Variants in C16orf95 observed in about 807,000 individuals in gnomAD.
C16orf95 encodes chromosome 16 open reading frame 95.
C16orf95 carries 41 observed loss-of-function variants against 32.1 expected under a neutral mutation model. That is an observed-to-expected ratio of 1.28 (90% confidence interval 1.00 to 1.66). The LOEUF is 1.66. Ranked by LOEUF, C16orf95 falls within the 40% of genes most tolerant of loss-of-function variation. C16orf95 has a pLI of 0.00. For synonymous variants in C16orf95, 147 were observed against 128.9 expected, an observed-to-expected ratio of 1.14 and a Z score of -0.95; for missense variants, 399 against 325.9, an observed-to-expected ratio of 1.22 and a Z score of -1.73.
At chr16:87,311,059 T>C (rs1911260634) in intron 4 of C16orf95, 91 bp downstream of exon 4, 12 of 1,231,236 alleles carry the variant, frequency 9.7e-6, no homozygotes, top group Non-Finnish European at 1.3e-5. Context: ...AGAGCCCAGG[T>C]ACCCCTCTTC....
chr16:87,310,384 G>A (rs1158892215), intron 4 of C16orf95, 51 bp from the exon 5 acceptor site: 1 of 1,525,244 alleles, frequency 6.6e-7, no homozygotes, highest in Non-Finnish European at 8.8e-7. Flanking sequence ...CCTCCAAGGG[G>A]GAAGGCCTGG....
intron 6 of C16orf95, chr16:87,303,373 G>C (rs1484557955): frequency 2.6e-6 from 1 of 389,530 alleles, no homozygotes; most frequent in African/African-American, 2.0e-5. Context: ...GTGAAATGAA[G>C]GCAGGTCTCA....
intron 4 of C16orf95, among the ~76,000 whole-genome samples, chr16:87,310,598 C>T (rs1911237212): frequency 6.6e-6 from 1 of 152,162 alleles, no homozygotes; most frequent in African/African-American, 2.4e-5. Flanking sequence ...AGCGAGAGGC[C>T]CAGGGGGCTA....
At chr16:87,306,582 T>G (rs975746776) in intron 5 of C16orf95, among the ~76,000 whole-genome samples, 2 of 152,242 alleles carry the variant, frequency 1.3e-5, no homozygotes, top group African/African-American at 2.4e-5. Context: ...AGCACCTAAG[T>G]CTGTCTTTAC....
chr16:87,316,365 G>C (rs1045710407), intron 1 of C16orf95, among the ~76,000 whole-genome samples: 1 of 152,174 alleles, frequency 6.6e-6, no homozygotes, highest in African/African-American at 2.4e-5. Flanking sequence ...CCAACAAACT[G>C]CTTGAATGTT....
In C16orf95 at chr16:87,317,187, G is replaced by T. The variant is rs1318688336; in HGVS notation, c.56C>A (p.Ala19Asp). 2.6e-6 allele frequency: 4 copies of T among 1,530,040 alleles called. No individual in the cohort carries two copies. Among genetic ancestry groups the T allele is most frequent in the Admixed American group, 4.0e-5 (2 of 50,012 alleles). The allele number at this position is 1,530,040 out of a possible 1,614,324, so 94.8% of individuals were successfully genotyped here. ...SPRRCHHHHE[A>D]TGAASGAAAG... ...AGCAGCGCCTGAGGCTGCTCCAGTG[G>T]CCTCATGATGATGGTGACAACGCCG... is the stretch of plus-strand genomic sequence containing the variant. The change falls in exon 1 of 7, where the codon GCC becomes GAC. Residue 19 changes from alanine (A) to aspartate (D), a missense_variant. Physicochemically the swap from Ala to Asp is moderately radical, Grantham distance 126 (BLOSUM62 -2). Coordinates refer to ENST00000567970, the MANE Select transcript of C16orf95 (RefSeq NM_001195124.3).
At chr16:87,310,748 G>C (rs564191902) in intron 4 of C16orf95, among the ~76,000 whole-genome samples, 1 of 152,134 alleles carries the variant, frequency 6.6e-6, no homozygotes, top group Non-Finnish European at 1.5e-5. Flanking sequence ...CCAGGGGAGA[G>C]AGTCAGAGGA....
At chr16:87,310,022 A>G (rs1911208337) in intron 5 of C16orf95, among the ~76,000 whole-genome samples, 1 of 152,140 alleles carries the variant, frequency 6.6e-6, no homozygotes, top group African/African-American at 2.4e-5. Flanking sequence ...GGTCTCATCC[A>G]AGCCCAGGCG....
intron 3 of C16orf95, 79 bp downstream of exon 3, chr16:87,314,892 T>G: frequency 8.1e-7 from 1 of 1,232,782 alleles, no homozygotes; most frequent in South Asian, 1.5e-5. Flanking sequence ...CATATAATAC[T>G]TCTAATTCTG....
Position 87,315,807 on chromosome 16 carries a change from T to C in C16orf95, c.169A>G (p.Thr57Ala), listed in dbSNP as rs1374556532. 2.0e-6 allele frequency: 3 copies of C among 1,531,044 alleles called. No homozygotes were observed. Among genetic ancestry groups the C allele is most frequent in the Non-Finnish European group, 2.6e-6 (3 of 1,144,496 alleles). The allele number at this position is 1,531,044 out of a possible 1,614,324, so 94.8% of individuals were successfully genotyped here. ...GGGAGGCACACTTCTTTCTTGTAGG[T>C]TTGAAATGTGCTATTCCTAGAAGAG... is the stretch of plus-strand genomic sequence containing the variant. ...AQDGRNSTFQ[T>A]YKKEVCLPRH... The change falls in exon 2 of 7, where the codon ACC becomes GCC. Residue 57 changes from threonine to alanine, a missense_variant. By Grantham distance (58) the Thr-to-Ala change is moderately conservative. Coordinates refer to ENST00000567970, the MANE Select transcript of C16orf95 (RefSeq NM_001195124.3).
At chr16:87,316,616 G>C (rs924689374) in intron 1 of C16orf95, among the ~76,000 whole-genome samples, 15 of 152,100 alleles carry the variant, frequency 9.9e-5, no homozygotes, top group African/African-American at 3.4e-4. Flanking sequence ...GGCCCCTTCT[G>C]GTAATGACAG....
intron 4 of C16orf95, among the ~76,000 whole-genome samples, 196 bp downstream of exon 4, chr16:87,310,954 C>T (rs1269197104): frequency 2.6e-5 from 4 of 152,214 alleles, no homozygotes; most frequent in Admixed American, 6.5e-5. Flanking sequence ...TGAGCCAGCC[C>T]TCCCTGAGCC....
At chr16:87,309,694 A>AT (rs1911194071) in intron 5 of C16orf95, among the ~76,000 whole-genome samples, 1 of 151,922 alleles carries the variant, frequency 6.6e-6, no homozygotes, top group South Asian at 2.1e-4. Flanking sequence ...TATTATATGC[A>AT]TTTTCCATAA....
intron 5 of C16orf95, among the ~76,000 whole-genome samples, chr16:87,306,886 C>T (rs1415521938): frequency 3.3e-5 from 5 of 152,002 alleles, no homozygotes; most frequent in African/African-American, 9.7e-5. Flanking sequence ...TATCAGATAC[C>T]AGATGATGCA....
In C16orf95 at chr16:87,315,028, G is replaced by A. The variant is rs569068590; in HGVS notation, c.273C>T (p.Ser91=). The change falls in exon 3 of 7, where the codon TCC becomes TCT. Residue 91 remains serine (S), a synonymous_variant. Transcript: ENST00000567970. ...AGTAAGGCAGTGCTGCTTCCACCCT[G>A]GACACAGGCAGGCGGCCCCCGAATC... is the stretch of plus-strand genomic sequence containing the variant. ...QTRFGGRLPV[S]RVEAALPYWV... 4 of 1,535,968 alleles carry A rather than the reference G, an allele frequency of 2.6e-6. No individual in the cohort carries two copies. The highest frequency in any genetic ancestry group is 2.4e-5 in the South Asian group (2 of 84,068).
intron 3 of C16orf95, among the ~76,000 whole-genome samples, chr16:87,313,066 G>A (rs1234945810): frequency 5.3e-5 from 8 of 151,936 alleles, no homozygotes; most frequent in Admixed American, 5.2e-4. Flanking sequence ...TGGGTCAAAA[G>A]ATTCAATATT....
rs747946100 is a variant in C16orf95 at position 87,315,051 on chromosome 16, A to G, written c.250T>C (p.Phe84Leu). The change falls in exon 3 of 7, where the codon TTC becomes CTC. Residue 84 changes from phenylalanine (F) to leucine (L), a missense_variant. Coordinates refer to ENST00000567970, the MANE Select transcript of C16orf95 (RefSeq NM_001195124.3). The part of the protein sequence containing the change: ...WAICCECQTR[F>L]GGRLPVSRVE... The stretch of plus-strand genomic sequence containing the variant: ...CTGGACACAGGCAGGCGGCCCCCGA[A>G]TCTGGTCTGGCATTCACAGCAGATG... 63 of 1,535,976 alleles carry G rather than the reference A, an allele frequency of 4.1e-5. No homozygotes were observed. The highest frequency in any genetic ancestry group is 5.2e-5 in the Non-Finnish European group (60 of 1,146,908).
intron 3 of C16orf95, 42 bp from the exon 4 acceptor site, chr16:87,311,338 A>G (rs1452017136): frequency 6.7e-7 from 1 of 1,483,854 alleles, no homozygotes; most frequent in Non-Finnish European, 9.0e-7. Flanking sequence ...AAGGGGATGG[A>G]GCCATGCCTG....
intron 3 of C16orf95, among the ~76,000 whole-genome samples, chr16:87,312,152 A>G (rs1400034118): frequency 1.3e-5 from 2 of 152,226 alleles, no homozygotes; most frequent in East Asian, 3.8e-4. Flanking sequence ...CAGCGGAAAG[A>G]CAGGGTGGTC....
Sources: gnomAD v4.1 joint callset for allele counts (sites outside exome capture counted in the v4.1 genomes callset) on GRCh38, gnomAD v4.1.1 for gene constraint, MANE v1.5 for transcripts, NCBI Gene and HGNC (gene_info 2026-07-23, HGNC 2026-07-21) for gene names.